DGKB: variants seen among roughly 807,000 people sequenced by gnomAD.
DGKB encodes the protein 90 kDa diacylglycerol kinase.
DGKB carries 67 observed loss-of-function variants against 114.3 expected under a neutral mutation model. That is an observed-to-expected ratio of 0.59 (90% CI 0.48 to 0.72). The LOEUF (loss-of-function observed/expected upper bound fraction) is 0.72. Ranked by LOEUF, DGKB falls within the 30% of genes least tolerant of loss-of-function variation. DGKB has a pLI of 0.00. For synonymous variants in DGKB, 398 were observed against 323.1 expected (o/e 1.23, Z -2.49); for missense variants, 907 against 975.2 (o/e 0.93, Z 0.93).
chr7:14,470,519 G>A (rs1175451341), intron 21 of DGKB, among the ~76,000 whole-genome samples: 1 of 151,788 alleles, frequency 6.6e-6, no homozygotes, highest in Admixed American at 6.6e-5. Context: ...GTGAATGTCA[G>A]TAATTTAAAA....
intron 2 of DGKB, among the ~76,000 whole-genome samples, chr7:14,806,812 A>T (rs1842844338): frequency 6.6e-6 from 1 of 151,830 alleles, no homozygotes; most frequent in Non-Finnish European, 1.5e-5. Flanking sequence ...ATTTTGCTCC[A>T]GAAGTCTCCT....
In DGKB at chr7:14,588,920, T is replaced by C. The variant is rs533096149; in HGVS notation, c.1434-5783A>G. ...TATTTCACCAAAACTAAAATAATAG[T>C]AAGAAAAACCAATCATGATTTTGAC... On this transcript the variant is annotated intron_variant, in intron 17 of 25. Transcript: ENST00000402815. Among the ~76,000 whole-genome samples, 185 of 152,176 alleles carry C rather than the reference T, an allele frequency of 1.2e-3. 1 individual carries two copies. Among genetic ancestry groups the C allele is most frequent in the South Asian group, 2.1e-3 (10 of 4,826 alleles).
chr7:14,857,580 T>C (rs750094936), intron 1 of DGKB, among the ~76,000 whole-genome samples: 46 of 152,180 alleles, frequency 3.0e-4, no homozygotes, highest in Non-Finnish European at 5.6e-4. Flanking sequence ...TGGCATCTTA[T>C]TTTTGTTTTA....
At chr7:14,626,817 A>C (rs918976461) in intron 14 of DGKB, among the ~76,000 whole-genome samples, 1 of 152,186 alleles carries the variant, frequency 6.6e-6, no homozygotes, top group Admixed American at 6.5e-5. Flanking sequence ...ATAAGGTCTA[A>C]AGATTTTTAT....
intron 2 of DGKB, among the ~76,000 whole-genome samples, chr7:14,827,733 G>A (rs1845891365): frequency 6.6e-6 from 1 of 151,994 alleles, no homozygotes; most frequent in African/African-American, 2.4e-5. Context: ...GGTTTAGTTT[G>A]GTGGTCTACA....
chr7:14,925,611 G>T (rs865782683), intron 1 of DGKB, among the ~76,000 whole-genome samples: 1 of 151,968 alleles, frequency 6.6e-6, no homozygotes, highest in Non-Finnish European at 1.5e-5. Flanking sequence ...TATTCTATAC[G>T]TCTTTGGTGA....
rs1047651673 is a variant in DGKB, at chr7:14,707,248, T to C, written c.467-5518A>G. ...TGGATAAATTCCTCGACACATACAC[T>C]CTCCCAAGACTAAACCAGGAAGAAG... is the stretch of plus-strand genomic sequence containing the variant. On this transcript the variant is annotated intron_variant, in intron 6 of 25. Transcript: ENST00000402815. Among the ~76,000 whole-genome samples the C allele has an allele frequency of 6.7e-4, 98 of 146,700 alleles. 5 individuals are homozygous for C. The highest frequency in any genetic ancestry group is 2.5e-3 in the African/African-American group (96 of 39,132).
intron 21 of DGKB, among the ~76,000 whole-genome samples, chr7:14,356,270 A>G (rs1032491083): frequency 6.9e-6 from 1 of 144,634 alleles, no homozygotes; most frequent in African/African-American, 2.6e-5. Flanking sequence ...TTGACTCTCT[A>G]TCTCCTTCAG....
chr7:14,914,449 G>T (rs967844882), intron 1 of DGKB, among the ~76,000 whole-genome samples: 2 of 152,048 alleles, frequency 1.3e-5, no homozygotes, highest in African/African-American at 4.8e-5. Context: ...CAAAACGAAA[G>T]AAAATGAATC....
chr7:14,552,449 T>C (rs1795231665), intron 20 of DGKB, among the ~76,000 whole-genome samples: 1 of 152,168 alleles, frequency 6.6e-6, no homozygotes, highest in Non-Finnish European at 1.5e-5. Context: ...TAAAGCCCAG[T>C]AAGTGACCCA....
chr7:14,323,522 T>G (rs1454059152), intron 23 of DGKB, among the ~76,000 whole-genome samples: 1 of 152,218 alleles, frequency 6.6e-6, no homozygotes, highest in African/African-American at 2.4e-5. Context: ...CAGAGAAAGC[T>G]TCTCTTAAGA....
chr7:14,624,934 G>A (rs1808306192), intron 14 of DGKB, among the ~76,000 whole-genome samples: 1 of 151,976 alleles, frequency 6.6e-6, no homozygotes, highest in African/African-American at 2.4e-5. Context: ...GGGGATGGAG[G>A]TTGCAGTGAG....
intron 2 of DGKB, among the ~76,000 whole-genome samples, chr7:14,810,057 T>C (rs6461134): frequency 0.4 from 61,273 of 151,656 alleles, 13,920 homozygotes; most frequent in African/African-American, 0.62. Flanking sequence ...GATTCTTCAT[T>C]TAGTCCTTTA....
At chr7:14,212,681 C>CCTAG (rs1181852934) in intron 23 of DGKB, among the ~76,000 whole-genome samples, 4 of 152,060 alleles carry the variant, frequency 2.6e-5, no homozygotes, top group Admixed American at 6.6e-5. Flanking sequence ...AACTTCAAGC[C>CCTAG]CTAGCATCAA....
At chr7:14,913,042 T>C (rs950729287) in intron 1 of DGKB, among the ~76,000 whole-genome samples, 2 of 152,122 alleles carry the variant, frequency 1.3e-5, no homozygotes, top group East Asian at 3.9e-4. Context: ...TTTCCTTCAG[T>C]TTCATCAAGA....
At chr7:14,187,649 G>A (rs372936234) in intron 23 of DGKB, among the ~76,000 whole-genome samples, 1 of 152,048 alleles carries the variant, frequency 6.6e-6, no homozygotes, top group Non-Finnish European at 1.5e-5. Context: ...GTACTGAGTC[G>A]ACCTAGAGCT....
chr7:14,552,664 T>A (rs1328073417), intron 20 of DGKB, among the ~76,000 whole-genome samples: 1 of 152,208 alleles, frequency 6.6e-6, no homozygotes, highest in African/African-American at 2.4e-5. Context: ...ATAATTGTTT[T>A]CCGGGGCAGC....
chr7:14,264,482 A>G (rs990477068), intron 23 of DGKB, among the ~76,000 whole-genome samples: 6 of 152,124 alleles, frequency 3.9e-5, no homozygotes, highest in African/African-American at 1.4e-4. Context: ...AGTCCTGACC[A>G]TAATTAAATA....
At chr7:14,804,070 G>GTGT (rs1554282562) in intron 2 of DGKB, among the ~76,000 whole-genome samples, 2 of 146,610 alleles carry the variant, frequency 1.4e-5, no homozygotes, top group East Asian at 2.0e-4. Flanking sequence ...TCACTTTTTG[G>GTGT]GTGTGTGTGT....
Sources: gnomAD v4.1 joint callset for allele counts (sites outside exome capture counted in the v4.1 genomes callset) on GRCh38, gnomAD v4.1.1 for gene constraint, MANE v1.5 for transcripts, NCBI Gene and HGNC (gene_info 2026-07-23, HGNC 2026-07-21) for gene names.